Variants in AGBL4 observed in about 807,000 individuals in gnomAD.
AGBL4 encodes AGBL carboxypeptidase 4, also known as cytosolic carboxypeptidase 6.
A neutral mutation model predicts 66.4 loss-of-function variants in AGBL4; 58 were observed. That is an observed-to-expected ratio of 0.87 (90% CI 0.71 to 1.09). The LOEUF (loss-of-function observed/expected upper bound fraction) is 1.09, where lower values mean the gene tolerates loss of function less well. Ranked by LOEUF, AGBL4 falls within the 50% of genes least tolerant of loss-of-function variation. AGBL4 has a pLI of 0.00. For missense variants in AGBL4, 579 were observed against 631.0 expected, an observed-to-expected ratio of 0.92 and a Z score of 0.88; for synonymous variants, 234 against 222.9, an observed-to-expected ratio of 1.05 and a Z score of -0.44.
chr1:49,201,688 C>A (rs1647713133), intron 4 of AGBL4, among the ~76,000 whole-genome samples: 1 of 152,142 alleles, frequency 6.6e-6, no homozygotes, highest in Non-Finnish European at 1.5e-5. Context: ...GTCATTACAG[C>A]TTTGTTACCA....
At chr1:49,306,847 T>C (rs1213201888) in intron 3 of AGBL4, among the ~76,000 whole-genome samples, 1 of 152,204 alleles carries the variant, frequency 6.6e-6, no homozygotes, top group Non-Finnish European at 1.5e-5. Flanking sequence ...TCTGGTGTCA[T>C]GAAGACTGAC....
chr1:49,880,632 C>T (rs912483309), intron 1 of AGBL4, among the ~76,000 whole-genome samples: 3 of 152,106 alleles, frequency 2.0e-5, no homozygotes, highest in Non-Finnish European at 4.4e-5. Context: ...TGCCCTGCCC[C>T]CAGAGGTGGA....
intron 3 of AGBL4, among the ~76,000 whole-genome samples, chr1:49,482,575 C>A (rs1260729933): frequency 6.7e-6 from 1 of 149,660 alleles, no homozygotes; most frequent in East Asian, 2.0e-4. Context: ...TTTTTTAAAC[C>A]ATTTCTGGAT....
At chr1:48,657,126 T>C (rs932107825) in intron 7 of AGBL4, among the ~76,000 whole-genome samples, 1 of 152,206 alleles carries the variant, frequency 6.6e-6, no homozygotes, top group African/African-American at 2.4e-5. Context: ...CTGGGTTTGA[T>C]GCCTCTCTCT....
intron 3 of AGBL4, among the ~76,000 whole-genome samples, chr1:49,687,074 T>G (rs1185740844): frequency 3.9e-5 from 6 of 152,172 alleles, no homozygotes; most frequent in Non-Finnish European, 8.8e-5. Context: ...TGGTACCACA[T>G]GCCAGGCTAA....
At chr1:48,710,014 G>T (rs1646941278) in intron 6 of AGBL4, among the ~76,000 whole-genome samples, 1 of 152,168 alleles carries the variant, frequency 6.6e-6, no homozygotes, top group Admixed American at 6.5e-5. Flanking sequence ...GGAACCAGAG[G>T]CACAGAGAGA....
chr1:48,590,663 C>T (rs558676247), intron 10 of AGBL4, among the ~76,000 whole-genome samples, 170 bp downstream of exon 10: 2 of 152,172 alleles, frequency 1.3e-5, no homozygotes, highest in Non-Finnish European at 2.9e-5. Flanking sequence ...TGATGAGCAG[C>T]TTGAGGACAT....
chr1:49,993,758 C>A lies in AGBL4; in HGVS notation c.34+30005G>T, dbSNP rs144440555. 8.6e-3 allele frequency among the ~76,000 whole-genome samples: 1,317 copies of A among 152,256 alleles called. 20 individuals carry two copies. The highest frequency in any genetic ancestry group is 0.03 in the African/African-American group (1,238 of 41,544). ...AGCAGTAACCCAAATAGAAGCTACTCCATCAGCCTGGATTCTGACATGAAG... is the reference window on the plus strand; with the variant it reads ...AGCAGTAACCCAAATAGAAGCTACTACATCAGCCTGGATTCTGACATGAAG... On this transcript the variant is annotated intron_variant, in intron 1 of 13. Coordinates refer to ENST00000371839, the MANE Select transcript of AGBL4 (RefSeq NM_032785.4).
intron 3 of AGBL4, among the ~76,000 whole-genome samples, chr1:49,269,720 T>A (rs1039258582): frequency 5.3e-5 from 8 of 152,136 alleles, no homozygotes; most frequent in Non-Finnish European, 1.2e-4. Context: ...TCCCATAAGC[T>A]CAAGGTGGTA....
intron 2 of AGBL4, among the ~76,000 whole-genome samples, chr1:49,822,803 G>A (rs1367403231): frequency 2.0e-5 from 3 of 152,168 alleles, no homozygotes; most frequent in Admixed American, 2.0e-4. Flanking sequence ...GGGGACTGGA[G>A]ATGCTGTGGT....
chr1:49,980,881 C>G (rs890248658), intron 1 of AGBL4, among the ~76,000 whole-genome samples: 1 of 152,208 alleles, frequency 6.6e-6, no homozygotes, highest in Non-Finnish European at 1.5e-5. Context: ...GGCATATTAA[C>G]TGCTCAAAGA....
chr1:49,614,115 A>T (rs1211399029), intron 3 of AGBL4, among the ~76,000 whole-genome samples: 2 of 152,144 alleles, frequency 1.3e-5, no homozygotes, highest in Non-Finnish European at 2.9e-5. Flanking sequence ...TTACAGATAC[A>T]TATCTTGATT....
At chr1:48,527,593 C>CAAAA in the AGBL4 span, among the ~76,000 whole-genome samples, 2 of 121,640 alleles carry the variant, frequency 1.6e-5, no homozygotes, top group African/African-American at 3.0e-5. Flanking sequence ...GACTCCATCT[C>CAAAA]AAAAAAAAAA....
At chr1:48,577,419 A>G (rs1436442520) in intron 11 of AGBL4, among the ~76,000 whole-genome samples, 1 of 152,224 alleles carries the variant, frequency 6.6e-6, no homozygotes, top group East Asian at 1.9e-4. Flanking sequence ...GACAGTTATC[A>G]CTATAAAGAA....
chr1:49,886,692 A>G (rs1648070957), intron 1 of AGBL4, among the ~76,000 whole-genome samples: 1 of 152,160 alleles, frequency 6.6e-6, no homozygotes, highest in African/African-American at 2.4e-5. Context: ...ATGCAGAAGC[A>G]GAGACCATTC....
rs148211041 is a variant in AGBL4, at chr1:49,089,411, A to G, written c.378-43611T>C. 3.7e-3 allele frequency among the ~76,000 whole-genome samples: 568 copies of G among 152,212 alleles called. 3 individuals are homozygous for G. Among genetic ancestry groups the G allele is most frequent in the African/African-American group, 0.013 (530 of 41,564 alleles). On this transcript the variant is annotated intron_variant, in intron 4 of 13. Coordinates refer to ENST00000371839, the MANE Select transcript of AGBL4 (RefSeq NM_032785.4). ...AACTAAATTCAATCAGAAATGACAA[A>G]GGAAACATTACCACTGACCTTACAG... is the stretch of plus-strand genomic sequence containing the variant.
intron 3 of AGBL4, among the ~76,000 whole-genome samples, chr1:49,656,996 G>T (rs973217655): frequency 6.6e-6 from 1 of 152,168 alleles, no homozygotes; most frequent in Non-Finnish European, 1.5e-5. Context: ...AGTGTTGGAA[G>T]TTCTGGCCAG....
chr1:49,902,175 A>G (rs1649824662), intron 1 of AGBL4, among the ~76,000 whole-genome samples: 1 of 152,208 alleles, frequency 6.6e-6, no homozygotes, highest in South Asian at 2.1e-4. Flanking sequence ...AACAAAACCA[A>G]AAATTAACAA....
intron 6 of AGBL4, among the ~76,000 whole-genome samples, chr1:48,750,842 C>A (rs187846496): frequency 6.6e-6 from 1 of 152,082 alleles, no homozygotes; most frequent in South Asian, 2.1e-4. Flanking sequence ...GGAGGCTAGA[C>A]GAGGTGAACT....
Sources: allele counts gnomAD v4.1 joint callset (sites outside exome capture counted in the v4.1 genomes callset), GRCh38; gene constraint gnomAD v4.1.1; transcripts MANE v1.5; gene names NCBI Gene and HGNC (gene_info 2026-07-23, HGNC 2026-07-21).